Variants in TRDN observed in about 807,000 individuals in gnomAD.
The protein encoded by TRDN is triadin in skeletal muscle.
TRDN carries 161 observed loss-of-function variants against 149.7 expected under a neutral mutation model. The observed-to-expected ratio is 1.08, with a 90% CI of 0.95 to 1.23. TRDN has a LOEUF of 1.23. Among genes scored for constraint, TRDN ranks in the 50% most tolerant of loss-of-function variants. The probability of loss-of-function intolerance (pLI) is 0.00; values close to 1 mark genes in which losing one functional copy is unlikely to be tolerated. For missense variants in TRDN, 896 were observed against 823.5 expected (o/e 1.09, Z -1.08); for synonymous variants, 294 against 250.5 (o/e 1.17, Z -1.64).
chr6:123,622,108 C>G (rs893078310), intron 1 of TRDN, among the ~76,000 whole-genome samples: 7 of 152,224 alleles, frequency 4.6e-5, no homozygotes, highest in Admixed American at 1.3e-4. Flanking sequence ...CTTCTGCCAC[C>G]ACTGGGACAG....
At chr6:123,524,133 G>A (rs1779823184) in intron 5 of TRDN, among the ~76,000 whole-genome samples, 1 of 152,104 alleles carries the variant, frequency 6.6e-6, no homozygotes, top group African/African-American at 2.4e-5. Flanking sequence ...TCAGGGTTGA[G>A]TACCACCCCT....
chr6:123,505,166 C>G (rs889223610), intron 7 of TRDN, among the ~76,000 whole-genome samples: 1 of 139,816 alleles, frequency 7.2e-6, no homozygotes, highest in African/African-American at 2.7e-5. Context: ...ATCATTTGAA[C>G]CAGGGAAGCG....
At chr6:123,467,972 T>C (rs941426997) in intron 9 of TRDN, among the ~76,000 whole-genome samples, 1 of 152,052 alleles carries the variant, frequency 6.6e-6, no homozygotes, top group Non-Finnish European at 1.5e-5. Context: ...CAAGCTTCAG[T>C]TAAGGTGTTT....
chr6:123,359,757 C>T lies in TRDN; in HGVS notation c.1321+6378G>A, dbSNP rs532769739. ...GTCGCCCAGGCTGGAGTGCAGTGGC[C>T]GGATCTCGGCTCACCGCAAGCTCCG... On this transcript the variant is annotated intron_variant, in intron 20 of 40. Coordinates refer to ENST00000334268, the MANE Select transcript of TRDN (RefSeq NM_006073.4). 5.3e-4 allele frequency among the ~76,000 whole-genome samples: 80 copies of T among 152,068 alleles called. 3 individuals are homozygous for T. The highest frequency in any genetic ancestry group is 6.8e-3 in the Middle Eastern group (2 of 294).
intron 38 of TRDN, among the ~76,000 whole-genome samples, chr6:123,236,383 A>G (rs1775788030): frequency 6.6e-6 from 1 of 152,208 alleles, no homozygotes; most frequent in Non-Finnish European, 1.5e-5. Flanking sequence ...ATTTCACCCA[A>G]TTTGTAAAAA....
In TRDN at chr6:123,530,499, T is replaced by A; in HGVS notation, c.484+7A>T. 1 of 1,234,798 alleles carries A rather than the reference T, an allele frequency of 8.1e-7. No homozygotes were observed. The highest frequency in any genetic ancestry group is 1.6e-5 in the African/African-American group (1 of 63,586). 76.5% of individuals were successfully genotyped at this position (1,234,798 alleles called of 1,614,324 possible). A position where few individuals can be genotyped will look rare whatever the true frequency, so the allele number is the denominator to read the frequency against. On this transcript the variant is annotated splice_region_variant and intron_variant, in intron 5 of 40. Transcript: ENST00000334268. Reference sequence around the variant, plus strand: ...AATGAAGAATAAACATAAAATGAAATGTTTACCTTTAGTTTGTATTTTCCT... The same window carrying A: ...AATGAAGAATAAACATAAAATGAAAAGTTTACCTTTAGTTTGTATTTTCCT...
intron 1 of TRDN, among the ~76,000 whole-genome samples, chr6:123,580,200 G>A (rs775332243): frequency 3.3e-5 from 5 of 151,994 alleles, no homozygotes; most frequent in East Asian, 1.9e-4. Flanking sequence ...TTCAGAGCTC[G>A]TTATTGGTCT....
intron 23 of TRDN, among the ~76,000 whole-genome samples, chr6:123,330,310 T>C (rs1324431061): frequency 2.6e-5 from 4 of 152,056 alleles, no homozygotes; most frequent in African/African-American, 9.7e-5. Flanking sequence ...AACAGTAAGA[T>C]CATGTTAAAG....
In TRDN at chr6:123,411,259, C is replaced by T. The variant is rs542055086; in HGVS notation, c.1052-17582G>A. On this transcript the variant is annotated intron_variant, in intron 12 of 40. Coordinates refer to ENST00000334268, the MANE Select transcript of TRDN (RefSeq NM_006073.4). The stretch of plus-strand genomic sequence containing the variant: ...ACGAGCTTTCTCCGTGTTGGCAGGG[C>T]GGGTCTCGAACTCCTGACCTCATGA... 1.8e-4 allele frequency among the ~76,000 whole-genome samples: 27 copies of T among 151,884 alleles called. 2 individuals carry two copies. Among genetic ancestry groups the T allele is most frequent in the African/African-American group, 4.8e-4 (20 of 41,422 alleles).
At chr6:123,304,492 T>G (rs1298010367) in intron 24 of TRDN, among the ~76,000 whole-genome samples, 3 of 152,034 alleles carry the variant, frequency 2.0e-5, no homozygotes, top group Non-Finnish European at 4.4e-5. Context: ...GACCTCATGA[T>G]CCGCCAGCCT....
At chr6:123,300,735 A>G (rs1021563339) in intron 24 of TRDN, among the ~76,000 whole-genome samples, 40 of 152,020 alleles carry the variant, frequency 2.6e-4, no homozygotes, top group African/African-American at 9.4e-4. Flanking sequence ...ATAGTGTTCT[A>G]TTCAGATTTT....
At chr6:123,393,092 A>G (rs187828598) in intron 13 of TRDN, among the ~76,000 whole-genome samples, 64 of 152,178 alleles carry the variant, frequency 4.2e-4, no homozygotes, top group African/African-American at 1.5e-3. Context: ...AGACGAAACC[A>G]CTTTAGTTAT....
At chr6:123,499,703 C>CAAAAAAAAAA (rs775014014) in intron 8 of TRDN, among the ~76,000 whole-genome samples, 370 of 22,728 alleles carry the variant, frequency 0.016, 49 homozygotes, top group African/African-American at 0.038. Context: ...GATTCTGGCT[C>CAAAAAAAAAA]AAAAAAAAAA....
intron 4 of TRDN, among the ~76,000 whole-genome samples, chr6:123,535,624 A>G (rs1010663270): frequency 6.6e-6 from 1 of 152,166 alleles, no homozygotes; most frequent in Admixed American, 6.5e-5. Context: ...TTTATCATTC[A>G]ATGGCGATAG....
chr6:123,636,940 G>T lies in TRDN; in HGVS notation c.-165C>A. The T allele has an allele frequency of 8.2e-6, 6 of 735,040 alleles. No individual in the cohort carries two copies. In the South Asian group the frequency reaches 1.0e-4, roughly 13 times the overall value. 45.5% of individuals were successfully genotyped at this position (735,040 alleles called of 1,614,324 possible). A position where few individuals can be genotyped will look rare whatever the true frequency, so the allele number is the denominator to read the frequency against. On this transcript the variant is annotated 5_prime_UTR_variant, in exon 1 of 41. Transcript: ENST00000334268. Reference sequence around the variant, plus strand: ...CTTCTTTGTTGTCCTGTTGAACTTTGCCTCTCCTCTGCAGAGTTCTCCCCC... The same window carrying T: ...CTTCTTTGTTGTCCTGTTGAACTTTTCCTCTCCTCTGCAGAGTTCTCCCCC...
chr6:123,490,928 T>A (rs999158395), intron 9 of TRDN, among the ~76,000 whole-genome samples: 2 of 151,686 alleles, frequency 1.3e-5, no homozygotes, highest in Non-Finnish European at 2.9e-5. Context: ...CATGGTGAAA[T>A]CCCGTCTCTA....
In TRDN at chr6:123,366,159, TCTC is replaced by T. The variant is rs753183223; in HGVS notation, c.1294_1296del (p.Glu432del). The T allele has an allele frequency of 6.2e-7, 1 of 1,613,006 alleles. No individual in the cohort carries two copies. The highest frequency in any genetic ancestry group is 8.5e-7 in the Non-Finnish European group (1 of 1,179,282). On this transcript the variant is annotated inframe_deletion, in exon 20 of 41. Coordinates refer to ENST00000334268, the MANE Select transcript of TRDN (RefSeq NM_006073.4). ...CCTTTTTTAATTGAAACCGCACCAA[TCTC>T]CTCTTTGGCTCGTTCAGTTTCTGCA...
In TRDN at chr6:123,248,911, C is replaced by A. The variant is rs79591550; in HGVS notation, c.1975+3501G>T. Among the ~76,000 whole-genome samples, 495 of 152,206 alleles carry A rather than the reference C, an allele frequency of 3.3e-3. 2 individuals are homozygous for A. The highest frequency in any genetic ancestry group is 0.011 in the African/African-American group (462 of 41,534). The stretch of plus-strand genomic sequence containing the variant: ...GATACCAAAACCAGACAAGGACACA[C>A]AAAGAAATAAAACTCCCAACCAATA... On this transcript the variant is annotated intron_variant, in intron 38 of 40. Transcript: ENST00000334268.
chr6:123,337,755 G>T, intron 21 of TRDN, 86 bp from the exon 22 acceptor site: 1 of 720,824 alleles, frequency 1.4e-6, no homozygotes, highest in Non-Finnish European at 2.2e-6. Context: ...TGTATACTGA[G>T]GCTTAAGATC....
Sources: allele counts gnomAD v4.1 joint callset (sites outside exome capture counted in the v4.1 genomes callset), GRCh38; gene constraint gnomAD v4.1.1; transcripts MANE v1.5; gene names NCBI Gene and HGNC (gene_info 2026-07-23, HGNC 2026-07-21).